The following GALNT17 variants were observed in gnomAD, a reference collection of about 807,000 sequenced individuals.
GALNT17 encodes polypeptide N-acetylgalactosaminyltransferase 17.
A neutral mutation model predicts 63.7 loss-of-function variants in GALNT17; 29 were observed. That is an observed-to-expected ratio of 0.46 (90% CI 0.34 to 0.62). GALNT17 has a LOEUF of 0.62. GALNT17 is among the 20% of genes least tolerant of loss of function. The pLI, the probability that GALNT17 is intolerant of heterozygous loss-of-function variation, is 0.01. For synonymous variants in GALNT17, 305 were observed against 318.3 expected (o/e 0.96, Z 0.45); for missense variants, 603 against 799.6 (o/e 0.75, Z 2.97).
intron 6 of GALNT17, among the ~76,000 whole-genome samples, chr7:71,594,785 A>T (rs1360888927): frequency 1.3e-5 from 2 of 152,192 alleles, no homozygotes; most frequent in Non-Finnish European, 2.9e-5. Context: ...GTTTAAAATA[A>T]CTGTAATCAT....
At chr7:71,313,370 T>C (rs754247536) in intron 1 of GALNT17, among the ~76,000 whole-genome samples, 18 of 152,176 alleles carry the variant, frequency 1.2e-4, no homozygotes, top group Non-Finnish European at 2.2e-4. Flanking sequence ...TTCATACCTT[T>C]TTCCTCCAGG....
At chr7:71,461,546 G>A (rs931365788) in intron 5 of GALNT17, among the ~76,000 whole-genome samples, 2 of 152,338 alleles carry the variant, frequency 1.3e-5, no homozygotes, top group Non-Finnish European at 2.9e-5. Flanking sequence ...TTTGAAGAGG[G>A]ATTGCTGAAG....
chr7:71,383,058 A>G (rs1792875765), intron 2 of GALNT17, among the ~76,000 whole-genome samples: 1 of 152,200 alleles, frequency 6.6e-6, no homozygotes, highest in South Asian at 2.1e-4. Flanking sequence ...CTGTCAATGA[A>G]TTGGACCATT....
At chr7:71,459,881 G>A (rs1787422227) in intron 5 of GALNT17, among the ~76,000 whole-genome samples, 1 of 152,150 alleles carries the variant, frequency 6.6e-6, no homozygotes, top group Non-Finnish European at 1.5e-5. Flanking sequence ...TCTCCACAAT[G>A]TTTTATTTTA....
intron 5 of GALNT17, among the ~76,000 whole-genome samples, chr7:71,432,879 G>A (rs572688264): frequency 2.1e-4 from 32 of 152,224 alleles, no homozygotes; most frequent in Non-Finnish European, 1.8e-4. Flanking sequence ...GCTTGATCTC[G>A]ACTCACTGCA....
chr7:71,551,757 CA>C (rs398047765), intron 5 of GALNT17, among the ~76,000 whole-genome samples: 14,823 of 120,416 alleles, frequency 0.12, 793 homozygotes, highest in East Asian at 0.28. Context: ...GACCCTGTCT[CA>C]AAAAAAAAAA....
intron 5 of GALNT17, among the ~76,000 whole-genome samples, chr7:71,476,448 C>T (rs767520118): frequency 2.0e-4 from 31 of 151,674 alleles, no homozygotes; most frequent in Non-Finnish European, 3.7e-4. Context: ...ACTCACAAAT[C>T]CCCTGAACAG....
At chr7:71,477,045 A>G (rs1416232480) in intron 5 of GALNT17, among the ~76,000 whole-genome samples, 1 of 152,186 alleles carries the variant, frequency 6.6e-6, no homozygotes. Context: ...AAGGATGAGT[A>G]TTTCTGCTGA....
chr7:71,536,167 T>C (rs1788798913), intron 5 of GALNT17, among the ~76,000 whole-genome samples: 1 of 152,186 alleles, frequency 6.6e-6, no homozygotes, highest in Non-Finnish European at 1.5e-5. Context: ...ACTGCTCTTG[T>C]CTCTAAGCTC....
At chr7:71,279,986 T>G (rs968274467) in intron 1 of GALNT17, among the ~76,000 whole-genome samples, 2 of 152,118 alleles carry the variant, frequency 1.3e-5, no homozygotes, top group Non-Finnish European at 2.9e-5. Context: ...CCTGGATAGT[T>G]CATATTTTCT....
chr7:71,471,226 G>A lies in GALNT17; in HGVS notation c.962+50121G>A, dbSNP rs569144369. Among the ~76,000 whole-genome samples, 22 of 151,902 alleles carry A rather than the reference G, an allele frequency of 1.4e-4. 1 individual carries two copies. In the South Asian group the frequency reaches 4.6e-3, roughly 32 times the overall value. On this transcript the variant is annotated intron_variant, in intron 5 of 10. Transcript: ENST00000333538. ...CAAGTAGCTGGGACTACAGACAGGTGCCACCATATCCAGCTAATTTTTGTA... is the reference window on the plus strand; with the variant it reads ...CAAGTAGCTGGGACTACAGACAGGTACCACCATATCCAGCTAATTTTTGTA...
At chr7:71,226,952 A>G (rs891586228) in intron 1 of GALNT17, among the ~76,000 whole-genome samples, 1 of 152,040 alleles carries the variant, frequency 6.6e-6, no homozygotes, top group Non-Finnish European at 1.5e-5. Flanking sequence ...CTGCCGTCCA[A>G]GGAACCACAC....
intron 9 of GALNT17, among the ~76,000 whole-genome samples, chr7:71,693,241 CAT>C (rs1358943430): frequency 3.9e-5 from 5 of 126,672 alleles, no homozygotes; most frequent in Admixed American, 3.5e-4. Flanking sequence ...CATATATACA[CAT>C]ATATATACAC....
At chr7:71,457,831 C>G (rs955938815) in intron 5 of GALNT17, among the ~76,000 whole-genome samples, 6 of 152,134 alleles carry the variant, frequency 3.9e-5, no homozygotes, top group Non-Finnish European at 5.9e-5. Flanking sequence ...CTTAGAGCGC[C>G]TTAACTGTCT....
At chr7:71,493,469 A>G (rs1442957526) in intron 5 of GALNT17, among the ~76,000 whole-genome samples, 2 of 152,180 alleles carry the variant, frequency 1.3e-5, no homozygotes, top group Non-Finnish European at 2.9e-5. Flanking sequence ...TCACAGTTCT[A>G]CGTGGCTGGA....
intron 5 of GALNT17, among the ~76,000 whole-genome samples, chr7:71,556,545 G>A (rs1357272959): frequency 2.0e-5 from 3 of 151,860 alleles, no homozygotes; most frequent in Admixed American, 6.6e-5. Flanking sequence ...ACTCACCCTC[G>A]GCATCATCTT....
intron 6 of GALNT17, among the ~76,000 whole-genome samples, chr7:71,583,236 A>AG (rs1233583000): frequency 6.6e-6 from 1 of 152,132 alleles, no homozygotes; most frequent in Non-Finnish European, 1.5e-5. Context: ...CTGGGACCAC[A>AG]GGGGCACACC....
intron 1 of GALNT17, among the ~76,000 whole-genome samples, chr7:71,318,711 A>G (rs1791547142): frequency 6.6e-6 from 1 of 152,114 alleles, no homozygotes; most frequent in Non-Finnish European, 1.5e-5. Context: ...TACAGATGTG[A>G]GCCACCTCTT....
chr7:71,545,206 T>C (rs998310596), intron 5 of GALNT17, among the ~76,000 whole-genome samples: 9 of 152,228 alleles, frequency 5.9e-5, no homozygotes, highest in African/African-American at 1.7e-4. Flanking sequence ...TGCTGTGTTG[T>C]AAGCTCTAAA....
Sources: gnomAD v4.1 joint callset for allele counts (sites outside exome capture counted in the v4.1 genomes callset) on GRCh38, gnomAD v4.1.1 for gene constraint, MANE v1.5 for transcripts, NCBI Gene and HGNC (gene_info 2026-07-23, HGNC 2026-07-21) for gene names.